The following ZNF354B variants were observed in gnomAD, a reference collection of about 807,000 sequenced individuals.
ZNF354B encodes zinc finger protein 354B.
In ZNF354B, 10 loss-of-function variants were observed where a neutral mutation model predicts 12.9. That is an observed-to-expected ratio of 0.77 (90% confidence interval 0.48 to 1.31). The LOEUF is 1.31. ZNF354B is among the 40% of genes most tolerant of loss of function. ZNF354B has a pLI of 0.00. For missense variants in ZNF354B, 614 were observed against 711.7 expected, an observed-to-expected ratio of 0.86 and a Z score of 1.56; for synonymous variants, 260 against 243.7, an observed-to-expected ratio of 1.07 and a Z score of -0.62.
At chr5:178,865,764 T>C (rs1581808478) in intron 2 of ZNF354B, among the ~76,000 whole-genome samples, 1 of 152,230 alleles carries the variant, frequency 6.6e-6, no homozygotes, top group Non-Finnish European at 1.5e-5. Flanking sequence ...TTCATCATTA[T>C]TATCCTCAAG....
At position 178,883,106 on chromosome 5, in the gene ZNF354B, A is replaced by C; in HGVS notation, c.654A>C (p.Thr218=). Residue 218 remains threonine (T), a synonymous_variant, in exon 5 of 5, where the codon ACA becomes ACC. Transcript: ENST00000322434. ...KTAEKRYKCS[T]CEKAFIHNSS... is the part of the protein sequence containing the mutation. ...CAGAGAAACGCTATAAATGCAGTAC[A>C]TGTGAAAAAGCCTTCATTCACAATT... 1 of 1,610,796 alleles carries C rather than the reference A, an allele frequency of 6.2e-7. No individual in the cohort carries two copies. The highest frequency in any genetic ancestry group is 8.5e-7 in the Non-Finnish European group (1 of 1,179,292).
intron 4 of ZNF354B, among the ~76,000 whole-genome samples, chr5:178,867,481 A>G (rs1381759856): frequency 6.6e-6 from 1 of 152,198 alleles, no homozygotes; most frequent in South Asian, 2.1e-4. Context: ...AAACTGTCCC[A>G]TGGAGCACTG....
chr5:178,866,721 C>G (rs1396877493), intron 3 of ZNF354B, among the ~76,000 whole-genome samples: 1 of 152,130 alleles, frequency 6.6e-6, no homozygotes, highest in East Asian at 1.9e-4. Flanking sequence ...CCTACCATTG[C>G]CTTTCCCACT....
At chr5:178,868,764 A>G (rs1203618130) in intron 4 of ZNF354B, among the ~76,000 whole-genome samples, 2 of 152,108 alleles carry the variant, frequency 1.3e-5, no homozygotes, top group Non-Finnish European at 2.9e-5. Context: ...CGAGGTCAGG[A>G]GATCGAGACC....
chr5:178,872,064 C>T (rs969703682), intron 4 of ZNF354B, among the ~76,000 whole-genome samples: 1 of 152,068 alleles, frequency 6.6e-6, no homozygotes. Flanking sequence ...CAGAAAAATC[C>T]CTTCAGTCAG....
chr5:178,877,038 G>A (rs1158883784), intron 4 of ZNF354B, among the ~76,000 whole-genome samples: 1 of 151,812 alleles, frequency 6.6e-6, no homozygotes, highest in African/African-American at 2.4e-5. Context: ...TTGCTGTAGG[G>A]TGGCACTAGT....
chr5:178,865,373 T>A (rs1757431522), intron 2 of ZNF354B, among the ~76,000 whole-genome samples: 1 of 152,166 alleles, frequency 6.6e-6, no homozygotes, highest in African/African-American at 2.4e-5. Context: ...GTTCAAGCGA[T>A]TCTCCTGCCT....
At chr5:178,871,983 C>T (rs1757569653) in intron 4 of ZNF354B, among the ~76,000 whole-genome samples, 2 of 152,098 alleles carry the variant, frequency 1.3e-5, no homozygotes, top group African/African-American at 4.8e-5. Context: ...GATTCTATGT[C>T]CCTTATACTC....
intron 4 of ZNF354B, among the ~76,000 whole-genome samples, chr5:178,870,503 C>T (rs913787338): frequency 2.0e-5 from 3 of 152,210 alleles, no homozygotes; most frequent in Non-Finnish European, 2.9e-5. Flanking sequence ...TGGTCTCGAA[C>T]TTCTGACCTG....
Position 178,883,472 on chromosome 5 carries a change from C to G in ZNF354B, c.1020C>G (p.Ser340=). 1 of 1,614,062 alleles carries G rather than the reference C, an allele frequency of 6.2e-7. No homozygotes were observed. The change falls in exon 5 of 5, where the codon TCC becomes TCG. Residue 340 remains serine, a synonymous_variant. Coordinates refer to ENST00000322434, the MANE Select transcript of ZNF354B (RefSeq NM_058230.3). The part of the protein sequence containing the change: ...PGRKASSYST[S]LSGSQKIHLR... ...GGAAGGCATCCAGTTACAGCACTTC[C>G]CTTTCTGGAAGTCAGAAAATTCATC...
At position 178,866,843 on chromosome 5, in the gene ZNF354B, T is replaced by G; in HGVS notation, c.161-133T>G. On this transcript the variant is annotated intron_variant, in intron 3 of 4. Transcript: ENST00000322434. ...ATAGATCATTCTATAGATGCCAGTT[T>G]ATAAGTTTTAATTACATCATACATG... The G allele has an allele frequency of 1.5e-5, 12 of 787,772 alleles. No individual in the cohort carries two copies. In the South Asian group the frequency reaches 2.3e-4, roughly 15 times the overall value. The allele number at this position is 787,772 out of a possible 1,614,324, so 48.8% of individuals were successfully genotyped here.
intron 4 of ZNF354B, among the ~76,000 whole-genome samples, chr5:178,881,958 A>G (rs1396130503): frequency 6.6e-6 from 1 of 152,142 alleles, no homozygotes; most frequent in African/African-American, 2.4e-5. Flanking sequence ...GCCTGATTGC[A>G]TTGGTTAATA....
chr5:178,882,907 T>C lies in ZNF354B; in HGVS notation c.455T>C (p.Leu152Pro), dbSNP rs757713630. 1.3e-6 allele frequency: 2 copies of C among 1,599,254 alleles called. No homozygotes were observed. Among genetic ancestry groups the C allele is most frequent in the Non-Finnish European group, 1.7e-6 (2 of 1,176,560 alleles). ...ATTTCAGTTGCCCATACAAAAATCC[T>C]TACTGTAGATAGAAGCCATAAAAAT... The part of the protein sequence containing the change: ...QIISVAHTKI[L>P]TVDRSHKNVE... Residue 152 changes from leucine to proline, a missense_variant, in exon 5 of 5, where the codon CTT becomes CCT. Physicochemically the swap from Leu to Pro is moderately conservative, Grantham distance 98. Transcript: ENST00000322434.
In ZNF354B at chr5:178,875,115, C is replaced by T. The variant is rs552108053; in HGVS notation, c.257-7594C>T. Among the ~76,000 whole-genome samples the T allele has an allele frequency of 4.6e-5, 7 of 152,260 alleles. No individual in the cohort carries two copies. The South Asian group carries it at 1.5e-3, about 32-fold the overall frequency. On this transcript the variant is annotated intron_variant, in intron 4 of 4. Transcript: ENST00000322434. ...CTCTGTATTTCCTCAAGATTGCAGCCGTGCCCCTCAGTGCTCTGAAAATGT... is the reference window on the plus strand; with the variant it reads ...CTCTGTATTTCCTCAAGATTGCAGCTGTGCCCCTCAGTGCTCTGAAAATGT...
Position 178,884,308 on chromosome 5 carries a change from C to T in ZNF354B, c.*17C>T, listed in dbSNP as rs1561672452. 1.9e-6 allele frequency: 3 copies of T among 1,551,130 alleles called. No individual in the cohort carries two copies. Among genetic ancestry groups the T allele is most frequent in the Non-Finnish European group, 2.6e-6 (3 of 1,153,246 alleles). ...CATGTGTGAAAGCCTTAAACCAAAA[C>T]TCATCAGAGAATACATGCTTGAGAG... On this transcript the variant is annotated 3_prime_UTR_variant, in exon 5 of 5. Coordinates refer to ENST00000322434, the MANE Select transcript of ZNF354B (RefSeq NM_058230.3).
At chr5:178,880,831 ATTTTTTTTTTTTT>A (rs56013359) in intron 4 of ZNF354B, among the ~76,000 whole-genome samples, 12 of 76,146 alleles carry the variant, frequency 1.6e-4, no homozygotes, top group African/African-American at 3.0e-4. Context: ...ACTCATGGTC[ATTTTTTTTTTTTT>A]TTTTTTTTTT....
In ZNF354B at chr5:178,884,472, C is replaced by G. The variant is rs947634615; in HGVS notation, c.*181C>G. The G allele has an allele frequency of 1.6e-5, 10 of 615,328 alleles. No homozygotes were observed. The African/African-American group carries it at 1.7e-4, about 10-fold the overall frequency. The allele number at this position is 615,328 out of a possible 1,614,324, so 38.1% of individuals were successfully genotyped here. Reference sequence around the variant, plus strand: ...ACTCACTTTTTAAAATATCCCGAGACAGTTCACTGTTGCAGACATTGAAAT... The same window carrying G: ...ACTCACTTTTTAAAATATCCCGAGAGAGTTCACTGTTGCAGACATTGAAAT... On this transcript the variant is annotated 3_prime_UTR_variant, in exon 5 of 5. Transcript: ENST00000322434.
At chr5:178,874,205 C>T (rs1447726824) in intron 4 of ZNF354B, among the ~76,000 whole-genome samples, 4 of 152,168 alleles carry the variant, frequency 2.6e-5, no homozygotes, top group East Asian at 1.9e-4. Flanking sequence ...GATCCACCTG[C>T]CTCGACCTTT....
chr5:178,874,463 C>T (rs1295152791), intron 4 of ZNF354B, among the ~76,000 whole-genome samples: 1 of 152,104 alleles, frequency 6.6e-6, no homozygotes, highest in East Asian at 1.9e-4. Flanking sequence ...TTATTTTTAT[C>T]TGTCTATCTG....
Sources: gnomAD v4.1 joint callset for allele counts (sites outside exome capture counted in the v4.1 genomes callset) on GRCh38, gnomAD v4.1.1 for gene constraint, MANE v1.5 for transcripts, NCBI Gene and HGNC (gene_info 2026-07-23, HGNC 2026-07-21) for gene names.